The following TNR variants were observed in gnomAD, a reference collection of about 807,000 sequenced individuals.
TNR encodes tenascin-R.
Under a neutral mutation model 150.4 loss-of-function variants are expected in TNR, and 45 were observed. The observed-to-expected ratio is 0.30, with a 90% CI of 0.24 to 0.38. The LOEUF (loss-of-function observed/expected upper bound fraction) is 0.38. Ranked by LOEUF, TNR falls within the 10% of genes least tolerant of loss-of-function variation. TNR has a pLI of 1.00. For missense variants in TNR, 1,544 were observed against 1,759.1 expected, an observed-to-expected ratio of 0.88 and a Z score of 2.19; for synonymous variants, 687 against 678.4, an observed-to-expected ratio of 1.01 and a Z score of -0.20.
chr1:175,741,727 TG>T (rs777847434), intron 1 of TNR, among the ~76,000 whole-genome samples: 2 of 152,190 alleles, frequency 1.3e-5, no homozygotes, highest in Non-Finnish European at 2.9e-5. Context: ...CACTCAGAAC[TG>T]TGTCTCTCAC....
At chr1:175,478,716 G>T (rs921448115) in intron 2 of TNR, among the ~76,000 whole-genome samples, 4 of 152,154 alleles carry the variant, frequency 2.6e-5, no homozygotes, top group African/African-American at 9.7e-5. Context: ...TGCCACTGAG[G>T]AAAAGGAGAT....
At chr1:175,522,379 A>G (rs572805759) in intron 2 of TNR, among the ~76,000 whole-genome samples, 2 of 152,220 alleles carry the variant, frequency 1.3e-5, no homozygotes, top group Admixed American at 6.5e-5. Context: ...TAAGAATGAC[A>G]CAATGGACTT....
chr1:175,391,515 G>A, intron 6 of TNR, 77 bp from the exon 7 acceptor site: 5 of 1,470,132 alleles, frequency 3.4e-6, no homozygotes, highest in East Asian at 2.4e-5. Flanking sequence ...AGATAAAGGT[G>A]TGGAATACTA....
intron 1 of TNR, among the ~76,000 whole-genome samples, chr1:175,714,712 G>A (rs1171056539): frequency 1.3e-5 from 2 of 152,164 alleles, no homozygotes; most frequent in Non-Finnish European, 2.9e-5. Flanking sequence ...TTTAATTACT[G>A]GCCCCCAATT....
chr1:175,685,762 C>T, intron 1 of TNR, among the ~76,000 whole-genome samples: 1 of 152,152 alleles, frequency 6.6e-6, no homozygotes, highest in East Asian at 1.9e-4. Flanking sequence ...TCCCCCCAAA[C>T]ATCTCCCTCT....
intron 2 of TNR, among the ~76,000 whole-genome samples, chr1:175,423,894 C>T (rs748778005): frequency 3.9e-5 from 6 of 152,164 alleles, no homozygotes; most frequent in African/African-American, 1.2e-4. Context: ...ATGAATCCCA[C>T]GAGTTCCAGG....
chr1:175,415,467 C>T (rs1654397239), intron 2 of TNR, among the ~76,000 whole-genome samples: 1 of 152,230 alleles, frequency 6.6e-6, no homozygotes, highest in Admixed American at 6.5e-5. Flanking sequence ...ATGTGCTGGG[C>T]CAGCCTGGGT....
intron 2 of TNR, among the ~76,000 whole-genome samples, chr1:175,468,140 T>A (rs1162217468): frequency 2.6e-5 from 4 of 152,162 alleles, no homozygotes; most frequent in African/African-American, 9.7e-5. Flanking sequence ...TGGGACACCT[T>A]GGTTTCTGGA....
chr1:175,372,351 T>C (rs1199088108), intron 9 of TNR, among the ~76,000 whole-genome samples: 1 of 152,192 alleles, frequency 6.6e-6, no homozygotes. Flanking sequence ...AAGATCAGCA[T>C]GGGACTAAGA....
chr1:175,584,279 T>G (rs879820372), intron 1 of TNR, among the ~76,000 whole-genome samples: 1 of 152,108 alleles, frequency 6.6e-6, no homozygotes, highest in Non-Finnish European at 1.5e-5. Flanking sequence ...GATGATTTGA[T>G]GACATGCAGG....
chr1:175,366,068 C>T lies in TNR; in HGVS notation c.2124G>A (p.Lys708=). 4 of 1,613,982 alleles carry T rather than the reference C, an allele frequency of 2.5e-6. No homozygotes were observed. The highest frequency in any genetic ancestry group is 4.5e-5 in the East Asian group (2 of 44,874). Residue 708 remains lysine (K), a synonymous_variant, in exon 11 of 23, where the codon AAG becomes AAA. Coordinates refer to ENST00000367674, the MANE Select transcript of TNR (RefSeq NM_003285.3). The part of the protein sequence containing the change: ...SETSISLIWT[K]ASGPIDHYRI... ...GGTAGTGGTCAATGGGGCCACTGGC[C>T]TTGGTCCAGATGAGGGAGATGGAGG...
At chr1:175,729,556 A>G (rs7535634) in intron 1 of TNR, among the ~76,000 whole-genome samples, 43,994 of 151,674 alleles carry the variant, frequency 0.29, 6,539 homozygotes, top group African/African-American at 0.36. Context: ...ACCTCCCAAA[A>G]CACTGGGATT....
intron 1 of TNR, among the ~76,000 whole-genome samples, chr1:175,715,373 C>T (rs1288746696): frequency 6.6e-6 from 1 of 152,180 alleles, no homozygotes; most frequent in African/African-American, 2.4e-5. Flanking sequence ...TCTTTTCCCT[C>T]CACTTCTGAG....
At chr1:175,521,688 G>A (rs1463267090) in intron 2 of TNR, among the ~76,000 whole-genome samples, 1 of 152,032 alleles carries the variant, frequency 6.6e-6, no homozygotes, top group Non-Finnish European at 1.5e-5. Flanking sequence ...AGTCTGAGGT[G>A]TCATGCTCAT....
intron 2 of TNR, among the ~76,000 whole-genome samples, chr1:175,450,211 A>C (rs1300616796): frequency 6.6e-6 from 1 of 152,136 alleles, no homozygotes; most frequent in Non-Finnish European, 1.5e-5. Context: ...AAAAACTTCC[A>C]ATCTTGTCAT....
rs769675119 is a variant in TNR at position 175,335,750 on chromosome 1, G to A, written c.3592C>T (p.Arg1198Cys). 26 of 1,613,986 alleles carry A rather than the reference G, an allele frequency of 1.6e-5. No homozygotes were observed. Among genetic ancestry groups the A allele is most frequent in the South Asian group, 6.6e-5 (6 of 91,080 alleles). Residue 1198 changes from arginine to cysteine, a missense_variant, in exon 20 of 23, where the codon CGT (arginine) becomes TGT (cysteine). By Grantham distance (180) the Arg-to-Cys change is radical. Transcript: ENST00000367674. Reference protein sequence around the residue: ...TDFFRKWADYRVGFGNVEDEF... With the variant: ...TDFFRKWADYCVGFGNVEDEF... ...TCCTCCACGTTCCCGAAGCCAACAC[G>A]GTAATCAGCCCATTTCCGGAAAAAA...
chr1:175,507,215 A>G (rs1180720998), intron 2 of TNR, among the ~76,000 whole-genome samples: 1 of 152,172 alleles, frequency 6.6e-6, no homozygotes, highest in Non-Finnish European at 1.5e-5. Context: ...GTCTGGGGAT[A>G]CAGGCCAACG....
Position 175,467,272 on chromosome 1 carries a change from G to A in TNR, c.-63-60495C>T, listed in dbSNP as rs540484903. On this transcript the variant is annotated intron_variant, in intron 2 of 22. Coordinates refer to ENST00000367674, the MANE Select transcript of TNR (RefSeq NM_003285.3). ...AAGGCAGCTTCTCGCTCTGCCCACC[G>A]TCCACCTCTCCCACCCCACCAGCAA... Among the ~76,000 whole-genome samples the A allele has an allele frequency of 1.5e-4, 23 of 151,746 alleles. No individual in the cohort carries two copies. The South Asian group carries it at 2.9e-3, about 19-fold the overall frequency.
At chr1:175,693,042 G>A (rs1212399498) in intron 1 of TNR, among the ~76,000 whole-genome samples, 3 of 152,316 alleles carry the variant, frequency 2.0e-5, no homozygotes, top group Middle Eastern at 3.4e-3. Context: ...CTCTGCACTT[G>A]TAAAGTTATT....
Sources: gnomAD v4.1 joint callset for allele counts (sites outside exome capture counted in the v4.1 genomes callset) on GRCh38, gnomAD v4.1.1 for gene constraint, MANE v1.5 for transcripts, NCBI Gene and HGNC (gene_info 2026-07-23, HGNC 2026-07-21) for gene names.